The following SLC39A8 variants were observed in gnomAD, a reference collection of about 807,000 sequenced individuals.
SLC39A8 encodes solute carrier family 39 member 8.
A neutral mutation model predicts 40.4 loss-of-function variants in SLC39A8; 15 were observed. The ratio of observed to expected loss-of-function variants is 0.37; its 90% CI spans 0.25 to 0.57. The LOEUF is 0.57. SLC39A8 is among the 20% of genes least tolerant of loss of function. The pLI is 0.75. For missense variants in SLC39A8, 472 were observed against 558.8 expected, an observed-to-expected ratio of 0.84 and a Z score of 1.57; for synonymous variants, 223 against 221.6, an observed-to-expected ratio of 1.01 and a Z score of -0.06.
chr4:102,275,007 G>A (rs1052166431), intron 6 of SLC39A8, among the ~76,000 whole-genome samples: 6 of 152,106 alleles, frequency 3.9e-5, no homozygotes, highest in African/African-American at 1.4e-4. Context: ...AAAGCAAAAT[G>A]TAAAGACCAT....
At chr4:102,323,862 C>A (rs1357580909) in intron 2 of SLC39A8, among the ~76,000 whole-genome samples, 4 of 152,162 alleles carry the variant, frequency 2.6e-5, no homozygotes, top group Non-Finnish European at 5.9e-5. Flanking sequence ...ATCATTGAGA[C>A]CCTGGCAGAG....
intron 2 of SLC39A8, among the ~76,000 whole-genome samples, chr4:102,342,000 C>G (rs1420442468): frequency 6.6e-6 from 1 of 152,184 alleles, no homozygotes; most frequent in Admixed American, 6.5e-5. Context: ...TTATTCCACC[C>G]TGTGAGGAAA....
intron 2 of SLC39A8, among the ~76,000 whole-genome samples, chr4:102,324,818 G>A (rs866820920): frequency 6.6e-6 from 1 of 152,138 alleles, no homozygotes; most frequent in Non-Finnish European, 1.5e-5. Flanking sequence ...CATTTAAAAT[G>A]GTAGTTTGAA....
rs536870109 is a variant in SLC39A8 at position 102,343,713 on chromosome 4, A to C, written c.219+731T>G. Reference sequence around the variant, plus strand: ...TGTTTACAAAGAGGTATGATGTTTAACTGCTCCTACGTAGTTTGAAGCTTG... The same window carrying C: ...TGTTTACAAAGAGGTATGATGTTTACCTGCTCCTACGTAGTTTGAAGCTTG... On this transcript the variant is annotated intron_variant, in intron 2 of 8. Transcript: ENST00000356736. 2.0e-5 allele frequency among the ~76,000 whole-genome samples: 3 copies of C among 152,350 alleles called. No homozygotes were observed. In the East Asian group the frequency reaches 5.8e-4, roughly 29 times the overall value.
intron 6 of SLC39A8, among the ~76,000 whole-genome samples, chr4:102,287,184 G>A (rs1471701464): frequency 6.6e-6 from 1 of 152,024 alleles, no homozygotes; most frequent in African/African-American, 2.4e-5. Flanking sequence ...CTATATCAGA[G>A]AGTATTGGCT....
chr4:102,320,400 A>T (rs1734893614), intron 2 of SLC39A8, among the ~76,000 whole-genome samples: 1 of 118,010 alleles, frequency 8.5e-6, no homozygotes, highest in Non-Finnish European at 1.7e-5. Flanking sequence ...ATGAGTATAT[A>T]TATATGAGAA....
Position 102,344,703 on chromosome 4 carries a change from C to G in SLC39A8, c.-41G>C, listed in dbSNP as rs1443113911. 6.5e-6 allele frequency: 9 copies of G among 1,391,964 alleles called. No individual in the cohort carries two copies. Among genetic ancestry groups the G allele is most frequent in the South Asian group, 1.6e-5 (1 of 61,630 alleles). 86.2% of individuals were successfully genotyped at this position (1,391,964 alleles called of 1,614,324 possible). Reference sequence around the variant, plus strand: ...CCCTTGAGGGCCCGCGACGGGCTGCCGCGCAGAGGGACGCGCGCGGGCGCA... The same window carrying G: ...CCCTTGAGGGCCCGCGACGGGCTGCGGCGCAGAGGGACGCGCGCGGGCGCA... On this transcript the variant is annotated 5_prime_UTR_variant, in exon 2 of 9. Coordinates refer to ENST00000356736, the MANE Select transcript of SLC39A8 (RefSeq NM_001135146.2).
Position 102,315,734 on chromosome 4 carries a change from G to T in SLC39A8, c.316C>A (p.Gln106Lys). 6.2e-7 allele frequency: 1 copy of T among 1,613,370 alleles called. No individual in the cohort carries two copies. Among genetic ancestry groups the T allele is most frequent in the South Asian group, 1.1e-5 (1 of 91,004 alleles). ...TCACATGGGTGAAAGTTCAATTGCT[G>T]TAAGACTGCTGGACAGATGACAGAG... Reference protein sequence around the residue: ...KFSVICPAVLQQLNFHPCEDR... With the variant: ...KFSVICPAVLKQLNFHPCEDR... Residue 106 changes from glutamine to lysine, a missense_variant, in exon 3 of 9, where the codon CAG (glutamine) becomes AAG (lysine). By Grantham distance (53) the Gln-to-Lys change is moderately conservative. Coordinates refer to ENST00000356736, the MANE Select transcript of SLC39A8 (RefSeq NM_001135146.2).
At chr4:102,335,081 T>C (rs111922384) in intron 2 of SLC39A8, among the ~76,000 whole-genome samples, 3,030 of 152,290 alleles carry the variant, frequency 0.02, 100 homozygotes, top group African/African-American at 0.068. Flanking sequence ...ACAGAGCCAG[T>C]GTCTAGCTGT....
chr4:102,333,449 A>G (rs1051818082), intron 2 of SLC39A8, among the ~76,000 whole-genome samples: 3 of 152,198 alleles, frequency 2.0e-5, no homozygotes, highest in Admixed American at 1.3e-4. Context: ...ATAAGTTATT[A>G]TGACAAGACT....
chr4:102,332,518 A>T (rs972542829), intron 2 of SLC39A8, among the ~76,000 whole-genome samples: 2 of 152,224 alleles, frequency 1.3e-5, no homozygotes, highest in African/African-American at 2.4e-5. Context: ...GGAACAACAG[A>T]TGCTGGAGAG....
intron 2 of SLC39A8, among the ~76,000 whole-genome samples, chr4:102,340,302 CTG>C (rs1230528016): frequency 1.3e-5 from 2 of 152,114 alleles, no homozygotes; most frequent in East Asian, 3.8e-4. Flanking sequence ...AAGCAGAAAA[CTG>C]TAATACATAT....
chr4:102,291,666 T>A (rs1297043792), intron 6 of SLC39A8, among the ~76,000 whole-genome samples: 2 of 146,136 alleles, frequency 1.4e-5, no homozygotes, highest in Admixed American at 1.4e-4. Context: ...TTTTCTTCTG[T>A]TTCTTCTGTT....
chr4:102,257,341 A>G (rs1432775503), downstream of SLC39A8, among the ~76,000 whole-genome samples: 1 of 151,938 alleles, frequency 6.6e-6, no homozygotes, highest in Admixed American at 6.6e-5. Context: ...TTTTAATTGT[A>G]TTTCATTTTT....
exon 12 of SLC39A8, chr4:102,251,806 G>C (rs1731598610): frequency 6.6e-6 from 1 of 152,234 alleles, no homozygotes; most frequent in Non-Finnish European, 1.5e-5. Flanking sequence ...CATTGATAGG[G>C]AGAATGGTAT....
chr4:102,324,493 T>C (rs966357197), intron 2 of SLC39A8, among the ~76,000 whole-genome samples: 2 of 152,332 alleles, frequency 1.3e-5, no homozygotes, highest in Non-Finnish European at 2.9e-5. Context: ...TTCATTTCTT[T>C]TGCTTTTTCA....
At chr4:102,329,700 T>C (rs1447034762) in intron 2 of SLC39A8, among the ~76,000 whole-genome samples, 1 of 150,614 alleles carries the variant, frequency 6.6e-6, no homozygotes, top group African/African-American at 2.4e-5. Context: ...TTTACAGAAC[T>C]CTCCACCCCA....
At chr4:102,341,720 A>G (rs1429309284) in intron 2 of SLC39A8, among the ~76,000 whole-genome samples, 1 of 152,262 alleles carries the variant, frequency 6.6e-6, no homozygotes, top group East Asian at 1.9e-4. Flanking sequence ...CAAAGCAACA[A>G]GCTAATTTAG....
chr4:102,272,766 T>C (rs1311607127), intron 6 of SLC39A8, among the ~76,000 whole-genome samples: 1 of 151,982 alleles, frequency 6.6e-6, no homozygotes, highest in Non-Finnish European at 1.5e-5. Context: ...AGTTCATCTA[T>C]TCAGGATGGT....
Sources: allele counts gnomAD v4.1 joint callset (sites outside exome capture counted in the v4.1 genomes callset), GRCh38; gene constraint gnomAD v4.1.1; transcripts MANE v1.5; gene names NCBI Gene and HGNC (gene_info 2026-07-23, HGNC 2026-07-21).